The following SHISAL1 variants were observed in gnomAD, a reference collection of about 807,000 sequenced individuals.
SHISAL1 encodes the protein shisa like 1.
Under a neutral mutation model 22.6 loss-of-function variants are expected in SHISAL1, and 9 were observed. That is an observed-to-expected ratio of 0.40 (90% confidence interval 0.24 to 0.70). The LOEUF is 0.70. Among genes scored for constraint, SHISAL1 ranks in the 30% least tolerant of loss-of-function variants. SHISAL1 has a pLI of 0.39. For synonymous variants in SHISAL1, 119 were observed against 115.4 expected (o/e 1.03, Z -0.20); for missense variants, 246 against 270.6 (o/e 0.91, Z 0.64).
At position 44,292,853 on chromosome 22, in the gene SHISAL1, A is replaced by T. The variant is rs912958620; in HGVS notation, c.281+3819T>A. On this transcript the variant is annotated intron_variant, in intron 3 of 4. Coordinates refer to ENST00000381176, the MANE Select transcript of SHISAL1 (RefSeq NM_001099294.2). ...TGACCCGAATTCTTGATCTCCCCTC[A>T]GTGGGGTCCAGGTCTGGCCTAGGCC... Among the ~76,000 whole-genome samples the T allele has an allele frequency of 2.6e-5, 4 of 152,186 alleles. No homozygotes were observed. The South Asian group carries it at 8.3e-4, about 32-fold the overall frequency.
chr22:44,264,943 C>T (rs555991117), intron 4 of SHISAL1, among the ~76,000 whole-genome samples: 11 of 151,564 alleles, frequency 7.3e-5, no homozygotes, highest in East Asian at 3.9e-4. Context: ...CCTTGGACAA[C>T]GTCCCCAACA....
chr22:44,274,819 T>C (rs1457980895), intron 4 of SHISAL1, among the ~76,000 whole-genome samples: 1 of 152,224 alleles, frequency 6.6e-6, no homozygotes, highest in Non-Finnish European at 1.5e-5. Flanking sequence ...TCCTATTTTT[T>C]ACTCCTCAAA....
chr22:44,255,757 G>A (rs1257725556), intron 4 of SHISAL1, among the ~76,000 whole-genome samples: 2 of 152,196 alleles, frequency 1.3e-5, no homozygotes, highest in East Asian at 1.9e-4. Flanking sequence ...CAGAGCAGAA[G>A]CTAAAGCCCT....
At chr22:44,289,548 C>G (rs541353379) in intron 3 of SHISAL1, among the ~76,000 whole-genome samples, 12 of 151,770 alleles carry the variant, frequency 7.9e-5, no homozygotes, top group African/African-American at 2.9e-4. Flanking sequence ...TGACACATGA[C>G]ATGACCCCCG....
chr22:44,263,531 AAG>A (rs1390598088), intron 4 of SHISAL1, among the ~76,000 whole-genome samples: 6 of 152,204 alleles, frequency 3.9e-5, no homozygotes, highest in African/African-American at 1.4e-4. Context: ...AACAAGGAGA[AAG>A]AGACTCTGCT....
intron 4 of SHISAL1, among the ~76,000 whole-genome samples, chr22:44,263,297 C>T (rs2055139084): frequency 6.6e-6 from 1 of 152,074 alleles, no homozygotes; most frequent in Non-Finnish European, 1.5e-5. Context: ...TCTCGAACTC[C>T]TGACCTCAGG....
chr22:44,330,321 G>A, the SHISAL1 span, among the ~76,000 whole-genome samples: 1 of 152,238 alleles, frequency 6.6e-6, no homozygotes, highest in Non-Finnish European at 1.5e-5. Flanking sequence ...GCCGTGGAGA[G>A]GGGGCTGGAG....
At chr22:44,330,574 T>C in the SHISAL1 span, among the ~76,000 whole-genome samples, 1 of 152,104 alleles carries the variant, frequency 6.6e-6, no homozygotes, top group African/African-American at 2.4e-5. Context: ...CTAGGGGGCA[T>C]GGACCCGGCC....
chr22:44,300,329 GC>G (rs1449092615), intron 2 of SHISAL1, among the ~76,000 whole-genome samples: 1 of 152,220 alleles, frequency 6.6e-6, no homozygotes, highest in Non-Finnish European at 1.5e-5. Context: ...GGGGAGCAGG[GC>G]TGCCCTTGAA....
At chr22:44,270,841 G>T (rs1008975455) in intron 4 of SHISAL1, among the ~76,000 whole-genome samples, 1 of 152,144 alleles carries the variant, frequency 6.6e-6, no homozygotes, top group Admixed American at 6.5e-5. Context: ...CCAGCTCACC[G>T]GGAAGCAGAT....
intron 4 of SHISAL1, among the ~76,000 whole-genome samples, chr22:44,254,464 G>A (rs1313019160): frequency 6.6e-6 from 1 of 152,098 alleles, no homozygotes; most frequent in African/African-American, 2.4e-5. Flanking sequence ...GGGCTAAAGT[G>A]ATTCCCCTGC....
intron 1 of SHISAL1, among the ~76,000 whole-genome samples, chr22:44,308,764 G>A: frequency 6.6e-6 from 1 of 151,816 alleles, no homozygotes; most frequent in Non-Finnish European, 1.5e-5. Flanking sequence ...AACAGAGCAT[G>A]GGCTGCCGAG....
At chr22:44,285,886 G>T in intron 3 of SHISAL1, 141 bp from the exon 4 acceptor site, 1 of 710,828 alleles carries the variant, frequency 1.4e-6, no homozygotes, top group Non-Finnish European at 2.3e-6. Context: ...CCCTCTGGAG[G>T]GCGGGGCCTT....
intron 4 of SHISAL1, among the ~76,000 whole-genome samples, chr22:44,260,842 A>G (rs1253543659): frequency 1.3e-5 from 2 of 151,912 alleles, no homozygotes; most frequent in East Asian, 3.9e-4. Context: ...AGGCCTCCCC[A>G]TGGTTGCCCC....
At chr22:44,328,518 A>C in the SHISAL1 span, among the ~76,000 whole-genome samples, 1 of 152,188 alleles carries the variant, frequency 6.6e-6, no homozygotes, top group African/African-American at 2.4e-5. Flanking sequence ...CTGTGGACAC[A>C]GACAGCTGAA....
intron 3 of SHISAL1, 42 bp downstream of exon 3, chr22:44,296,630 G>A: frequency 1.3e-6 from 2 of 1,587,200 alleles, no homozygotes; most frequent in Non-Finnish European, 1.7e-6. Context: ...CCCTTGCCTG[G>A]GGCCCGAGGC....
chr22:44,322,718 AGGAGCCTG>A, the SHISAL1 span, among the ~76,000 whole-genome samples: 1 of 152,150 alleles, frequency 6.6e-6, no homozygotes, highest in African/African-American at 2.4e-5. Flanking sequence ...GAGGGAACCA[AGGAGCCTG>A]GGCCCCCAGA....
intron 1 of SHISAL1, among the ~76,000 whole-genome samples, chr22:44,302,952 G>T (rs1182690228): frequency 6.6e-6 from 1 of 151,998 alleles, no homozygotes; most frequent in Non-Finnish European, 1.5e-5. Flanking sequence ...CAAAGACCCT[G>T]GGGTTGGGGT....
At chr22:44,279,095 G>A (rs1010348717) in intron 4 of SHISAL1, among the ~76,000 whole-genome samples, 1 of 152,154 alleles carries the variant, frequency 6.6e-6, no homozygotes, top group African/African-American at 2.4e-5. Flanking sequence ...CCACCCGCCT[G>A]CCGCCCATGG....
Sources: gnomAD v4.1 joint callset for allele counts (sites outside exome capture counted in the v4.1 genomes callset) on GRCh38, gnomAD v4.1.1 for gene constraint, MANE v1.5 for transcripts, NCBI Gene and HGNC (gene_info 2026-07-23, HGNC 2026-07-21) for gene names.